The following MAST4 variants were observed in gnomAD, a reference collection of about 807,000 sequenced individuals.
The protein encoded by MAST4 is microtubule associated serine/threonine kinase family member 4.
A neutral mutation model predicts 162.7 loss-of-function variants in MAST4; 89 were observed. The observed-to-expected ratio is 0.55, with a 90% CI of 0.46 to 0.65. MAST4 has a LOEUF of 0.65. MAST4 is among the 30% of genes least tolerant of loss of function. MAST4 has a pLI of 0.00. For synonymous variants in MAST4, 1,479 were observed against 1,361.1 expected (o/e 1.09, Z -1.91); for missense variants, 3,153 against 3,374.0 (o/e 0.93, Z 1.62).
intron 1 of MAST4, among the ~76,000 whole-genome samples, chr5:66,750,338 G>A (rs532933294): frequency 1.1e-4 from 16 of 152,340 alleles, no homozygotes; most frequent in South Asian, 4.1e-4. Context: ...AGCTCCCAGC[G>A]TGAGCGACGC....
chr5:67,045,012 G>A (rs1263187133), intron 4 of MAST4, among the ~76,000 whole-genome samples: 2 of 152,184 alleles, frequency 1.3e-5, no homozygotes, highest in South Asian at 4.1e-4. Flanking sequence ...GATCAATCCA[G>A]TAGTATTGGA....
At chr5:66,684,129 G>C (rs749673128) in intron 1 of MAST4, among the ~76,000 whole-genome samples, 29 of 152,198 alleles carry the variant, frequency 1.9e-4, no homozygotes, top group Admixed American at 1.2e-3. Flanking sequence ...AGGTTAGTGG[G>C]TTGTGTTCCT....
chr5:66,596,705 G>A lies in MAST4; in HGVS notation c.50G>A (p.Ser17Asn), dbSNP rs1742198213. 1 of 1,465,062 alleles carries A rather than the reference G, an allele frequency of 6.8e-7. No individual in the cohort carries two copies. Among genetic ancestry groups the A allele is most frequent in the East Asian group, 2.7e-5 (1 of 36,478 alleles). The allele number at this position is 1,465,062 out of a possible 1,614,324, so 90.8% of individuals were successfully genotyped here. A position where few individuals can be genotyped will look rare whatever the true frequency, so the allele number is the denominator to read the frequency against. ...CCAGAGCCGGTGCCCCGCGGCTGCA[G>A]TGGCCACGGCAGCCGGACTCCAGCC... ...EAPEPVPRGC[S>N]GHGSRTPASA... The change falls in exon 1 of 29, where the codon AGT becomes AAT. Residue 17 changes from serine (S) to asparagine (N), a missense_variant. Coordinates refer to ENST00000403625, the MANE Select transcript of MAST4 (RefSeq NM_001164664.2).
Position 67,166,991 on chromosome 5 carries a change from G to A in MAST4, c.7812G>A (p.Val2604=). 1 of 1,610,110 alleles carries A rather than the reference G, an allele frequency of 6.2e-7. No homozygotes were observed. The highest frequency in any genetic ancestry group is 2.2e-5 in the East Asian group (1 of 44,850). Residue 2604 remains valine, a synonymous_variant, in exon 29 of 29, where the codon GTG becomes GTA. Coordinates refer to ENST00000403625, the MANE Select transcript of MAST4 (RefSeq NM_001164664.2). ...CTCTTTCTAATGAGAAGGACTTTGT[G>A]GTACGGCAGAGGCGGGGGAAAGAGA... ...PISLSNEKDF[V]VRQRRGKESL... is the part of the protein sequence containing the mutation.
chr5:67,064,682 G>T (rs1237063632), intron 5 of MAST4, among the ~76,000 whole-genome samples: 1 of 152,212 alleles, frequency 6.6e-6, no homozygotes, highest in East Asian at 1.9e-4. Flanking sequence ...TAGTTGCCAA[G>T]GTGAGACTGA....
chr5:67,166,314 T>C lies in MAST4; in HGVS notation c.7135T>C (p.Tyr2379His), dbSNP rs779889009. Reference protein sequence around the residue: ...AEGKKCTEALYAPAEGDKLEA... With the variant: ...AEGKKCTEALHAPAEGDKLEA... ...AGGGAAGAAATGCACTGAAGCACTTTATGCTCCAGCAGAGGGCGACAAGCT... is the reference window on the plus strand; with the variant it reads ...AGGGAAGAAATGCACTGAAGCACTTCATGCTCCAGCAGAGGGCGACAAGCT... Residue 2379 changes from tyrosine to histidine, a missense_variant, in exon 29 of 29, where the codon TAT (tyrosine) becomes CAT (histidine). This residue lies in a region of MAST4 where 1,644 missense variants were observed against 1,495.0 expected (regional missense o/e 1.10). Coordinates refer to ENST00000403625, the MANE Select transcript of MAST4 (RefSeq NM_001164664.2). The C allele has an allele frequency of 1.3e-6, 2 of 1,583,304 alleles. No homozygotes were observed. Among genetic ancestry groups the C allele is most frequent in the South Asian group, 1.2e-5 (1 of 86,696 alleles).
chr5:66,925,944 T>TA lies in MAST4; in HGVS notation c.674+25962_674+25963insA, dbSNP rs556454976. Among the ~76,000 whole-genome samples, 136 of 141,736 alleles carry TA rather than the reference T, an allele frequency of 9.6e-4. 2 individuals are homozygous for TA. The South Asian group carries it at 0.03, about 31-fold the overall frequency. 93.0% of individuals were successfully genotyped at this position (141,736 alleles called of 152,430 possible). On this transcript the variant is annotated intron_variant, in intron 4 of 28. Coordinates refer to ENST00000403625, the MANE Select transcript of MAST4 (RefSeq NM_001164664.2). ...TTCATGAGCTTTCAGCCTAGTACAA[T>TA]TTTTTTTTTTTGCATTTAAGTCTTT...
chr5:67,149,435 G>C lies in MAST4; in HGVS notation c.3141G>C (p.Glu1047Asp). ...EHLDQINGRS[E>D]CVDSTDNSSK... ...TGGATCAGATAAATGGACGAAGCGA[G>C]TGTGTGGACAGTACAGATAATTCCT... The change falls in exon 24 of 29, where the codon GAG becomes GAC. Residue 1047 changes from glutamate (E) to aspartate (D), a missense_variant. By Grantham distance (45) the Glu-to-Asp change is conservative. This residue lies in a region of MAST4 where 619 missense variants were observed against 744.2 expected (regional missense o/e 0.83). Transcript: ENST00000403625. 2 of 1,613,716 alleles carry C rather than the reference G, an allele frequency of 1.2e-6. No individual in the cohort carries two copies. The highest frequency in any genetic ancestry group is 1.7e-6 in the Non-Finnish European group (2 of 1,179,786).
At chr5:66,905,588 A>G (rs1048612110) in intron 4 of MAST4, among the ~76,000 whole-genome samples, 2 of 152,194 alleles carry the variant, frequency 1.3e-5, no homozygotes, top group Admixed American at 6.5e-5. Context: ...TCTTAGCTCA[A>G]TATGAGCGAC....
chr5:67,003,817 T>C (rs1751574595), intron 4 of MAST4: 1 of 152,212 alleles, frequency 6.6e-6, no homozygotes, highest in East Asian at 1.9e-4. Context: ...CCAGGTAGTG[T>C]CTTTCCACAT....
intron 4 of MAST4, among the ~76,000 whole-genome samples, chr5:67,031,801 A>G (rs1299845443): frequency 1.3e-5 from 2 of 152,138 alleles, no homozygotes; most frequent in Non-Finnish European, 2.9e-5. Context: ...CTTACTGCCT[A>G]GTGACCTATT....
chr5:66,656,289 T>A (rs1300272341), intron 1 of MAST4, among the ~76,000 whole-genome samples: 3 of 152,260 alleles, frequency 2.0e-5, no homozygotes, highest in Non-Finnish European at 4.4e-5. Flanking sequence ...AATATAAATG[T>A]TGTCTCCACA....
chr5:67,154,256 A>G (rs1772214511), intron 26 of MAST4, among the ~76,000 whole-genome samples: 1 of 152,186 alleles, frequency 6.6e-6, no homozygotes, highest in Non-Finnish European at 1.5e-5. Context: ...AGTTCTGTTC[A>G]GTTATTTGAT....
At chr5:66,917,906 A>T (rs966629941) in intron 4 of MAST4, among the ~76,000 whole-genome samples, 2 of 152,130 alleles carry the variant, frequency 1.3e-5, no homozygotes, top group East Asian at 1.9e-4. Context: ...TTAAAAATTT[A>T]AAATTGAAGG....
intron 4 of MAST4, among the ~76,000 whole-genome samples, chr5:66,987,384 G>A (rs530911527): frequency 2.6e-5 from 4 of 152,038 alleles, no homozygotes; most frequent in Non-Finnish European, 5.9e-5. Context: ...AGGCCTGGAT[G>A]CCTGAAATGG....
At chr5:66,660,515 A>G (rs1746837183) in intron 1 of MAST4, among the ~76,000 whole-genome samples, 1 of 152,220 alleles carries the variant, frequency 6.6e-6, no homozygotes, top group South Asian at 2.1e-4. Context: ...GCCTCACATC[A>G]TCTCCAGCCT....
chr5:67,127,295 C>T (rs1768365827), intron 14 of MAST4, among the ~76,000 whole-genome samples: 1 of 152,208 alleles, frequency 6.6e-6, no homozygotes, highest in Non-Finnish European at 1.5e-5. Context: ...TGAGAGTGGA[C>T]ATCCTTGTGT....
chr5:66,986,342 A>C, intron 4 of MAST4: 1 of 740,792 alleles, frequency 1.3e-6, no homozygotes, highest in Non-Finnish European at 2.2e-6. Context: ...GAAAGTATGG[A>C]TCCATATGTT....
intron 4 of MAST4, among the ~76,000 whole-genome samples, chr5:66,977,327 C>G (rs1748275378): frequency 6.6e-6 from 1 of 152,056 alleles, no homozygotes; most frequent in African/African-American, 2.4e-5. Context: ...CTCTTAACTC[C>G]CAACCTCAGG....
Sources: allele counts gnomAD v4.1 joint callset (sites outside exome capture counted in the v4.1 genomes callset), GRCh38; gene constraint gnomAD v4.1.1; regional missense constraint gnomAD v4.1.1; transcripts MANE v1.5; gene names NCBI Gene and HGNC (gene_info 2026-07-23, HGNC 2026-07-21).